ARHGAP32: variants seen among roughly 807,000 people sequenced by gnomAD.
The protein encoded by ARHGAP32 is Rho GTPase activating protein 32.
In ARHGAP32, 51 loss-of-function variants were observed where a neutral mutation model predicts 186.5. The observed-to-expected ratio is 0.27, with a 90% CI of 0.22 to 0.35. The LOEUF (loss-of-function observed/expected upper bound fraction) is 0.35. Among genes scored for constraint, ARHGAP32 ranks in the 10% least tolerant of loss-of-function variants. The probability of loss-of-function intolerance (pLI) is 1.00; values close to 1 mark genes in which losing one functional copy is unlikely to be tolerated. For missense variants in ARHGAP32, 2,186 were observed against 2,623.5 expected, an observed-to-expected ratio of 0.83 and a Z score of 3.64; for synonymous variants, 950 against 964.3, an observed-to-expected ratio of 0.99 and a Z score of 0.27.
intron 2 of ARHGAP32, among the ~76,000 whole-genome samples, chr11:129,130,307 C>A (rs886396493): frequency 6.6e-6 from 1 of 152,002 alleles, no homozygotes; most frequent in Non-Finnish European, 1.5e-5. Flanking sequence ...AAACTTCAAT[C>A]TTCTCTTAAA....
intron 2 of ARHGAP32, among the ~76,000 whole-genome samples, chr11:129,137,157 G>C (rs2135417978): frequency 6.6e-6 from 1 of 150,868 alleles, no homozygotes; most frequent in South Asian, 2.1e-4. Flanking sequence ...AAAAAAGCAT[G>C]GTACAAAAAC....
At chr11:129,035,704 C>T (rs955233324) in intron 11 of ARHGAP32, among the ~76,000 whole-genome samples, 1 of 151,862 alleles carries the variant, frequency 6.6e-6, no homozygotes, top group African/African-American at 2.4e-5. Flanking sequence ...ATTAGCAGGT[C>T]GTGGCGGCAT....
At chr11:129,021,068 A>G (rs1938572543) in intron 11 of ARHGAP32, among the ~76,000 whole-genome samples, 1 of 152,112 alleles carries the variant, frequency 6.6e-6, no homozygotes, top group African/African-American at 2.4e-5. Context: ...CACATTTAAA[A>G]TAGCACCACT....
At chr11:129,254,571 C>G (rs1490167820) in intron 1 of ARHGAP32, among the ~76,000 whole-genome samples, 19 of 152,120 alleles carry the variant, frequency 1.2e-4, no homozygotes, top group Admixed American at 1.2e-3. Flanking sequence ...CTGTCAATAT[C>G]AAGTTGGTAC....
intron 10 of ARHGAP32, among the ~76,000 whole-genome samples, chr11:129,046,109 C>T (rs575343699): frequency 1.2e-4 from 18 of 152,072 alleles, no homozygotes; most frequent in African/African-American, 3.4e-4. Flanking sequence ...CAGCGCCCAC[C>T]GTATACACAC....
intron 1 of ARHGAP32, among the ~76,000 whole-genome samples, chr11:129,187,401 G>T (rs1944184679): frequency 6.6e-6 from 1 of 152,052 alleles, no homozygotes; most frequent in African/African-American, 2.4e-5. Flanking sequence ...GAGGCTGGTG[G>T]GGATAGTTAA....
At chr11:129,247,747 G>T (rs1457284550) in intron 1 of ARHGAP32, among the ~76,000 whole-genome samples, 3 of 151,934 alleles carry the variant, frequency 2.0e-5, no homozygotes, top group Admixed American at 2.0e-4. Flanking sequence ...TCTTGTAATA[G>T]CAAAACAGGA....
chr11:129,181,868 T>C (rs1053040402), intron 1 of ARHGAP32, among the ~76,000 whole-genome samples: 2 of 152,184 alleles, frequency 1.3e-5, no homozygotes. Context: ...TTCCAACCCA[T>C]TAAATTCTCT....
chr11:129,153,516 G>A (rs1943336309), intron 2 of ARHGAP32, among the ~76,000 whole-genome samples: 1 of 152,092 alleles, frequency 6.6e-6, no homozygotes, highest in Non-Finnish European at 1.5e-5. Flanking sequence ...GAAACAGTAT[G>A]GTACTGGTAT....
chr11:129,151,423 T>G (rs538764834), intron 2 of ARHGAP32, among the ~76,000 whole-genome samples: 4 of 152,144 alleles, frequency 2.6e-5, no homozygotes, highest in Non-Finnish European at 5.9e-5. Context: ...AGAATATATA[T>G]TCTTTTCATC....
intron 1 of ARHGAP32, among the ~76,000 whole-genome samples, chr11:129,223,481 G>A (rs71472094): frequency 1.3e-5 from 2 of 152,208 alleles, no homozygotes; most frequent in South Asian, 2.1e-4. Context: ...AGGGGTGGCA[G>A]AAGGCTGGGT....
chr11:129,207,134 T>C (rs893677873), intron 1 of ARHGAP32, among the ~76,000 whole-genome samples: 1 of 152,202 alleles, frequency 6.6e-6, no homozygotes, highest in African/African-American at 2.4e-5. Context: ...TGTGCCACAT[T>C]TTCTTTATCC....
intron 2 of ARHGAP32, among the ~76,000 whole-genome samples, chr11:129,149,420 C>T (rs1366573104): frequency 2.0e-5 from 3 of 152,206 alleles, no homozygotes; most frequent in African/African-American, 7.2e-5. Flanking sequence ...CAAGTGCTGG[C>T]ATCCATGCCT....
intron 1 of ARHGAP32, among the ~76,000 whole-genome samples, chr11:129,217,561 T>C (rs977165722): frequency 1.3e-5 from 2 of 152,184 alleles, no homozygotes; most frequent in Non-Finnish European, 2.9e-5. Context: ...TAACCATGTA[T>C]ATATATACTC....
intron 6 of ARHGAP32, among the ~76,000 whole-genome samples, chr11:129,073,983 T>A (rs1480416802): frequency 6.6e-6 from 1 of 152,140 alleles, no homozygotes; most frequent in Non-Finnish European, 1.5e-5. Context: ...TAGAATTCCA[T>A]ACTCTGCAAA....
chr11:129,266,415 G>A (rs1945401012), intron 1 of ARHGAP32, among the ~76,000 whole-genome samples: 1 of 152,140 alleles, frequency 6.6e-6, no homozygotes, highest in Non-Finnish European at 1.5e-5. Context: ...CACTGGTACA[G>A]GCACCCTGGG....
chr11:129,063,751 A>G (rs553708542), intron 9 of ARHGAP32, 151 bp downstream of exon 9: 2 of 842,762 alleles, frequency 2.4e-6, no homozygotes, highest in African/African-American at 3.4e-5. Flanking sequence ...AAACAAAAAT[A>G]GAAGATATTA....
At chr11:129,138,055 GA>G (rs1250272602) in intron 2 of ARHGAP32, among the ~76,000 whole-genome samples, 1 of 151,848 alleles carries the variant, frequency 6.6e-6, no homozygotes, top group Non-Finnish European at 1.5e-5. Flanking sequence ...AAAGAAAACT[GA>G]AATGGACATT....
chr11:129,123,890 G>A lies in ARHGAP32; in HGVS notation c.357C>T (p.His119=). The A allele has an allele frequency of 7.7e-7, 1 of 1,296,076 alleles. No homozygotes were observed. Among genetic ancestry groups the A allele is most frequent in the South Asian group, 1.2e-5 (1 of 80,928 alleles). 80.3% of individuals were successfully genotyped at this position (1,296,076 alleles called of 1,614,324 possible). ...CAAAGTAGAAAACCAGATTTTACCT[G>A]TGAATGTTGTCACAGCCCATCAGTC... The part of the protein sequence containing the change: ...TPGLMGCDNI[H]RLPFTKGHFP... Residue 119 remains histidine, a splice_region_variant and synonymous_variant, in exon 4 of 23, where the codon CAC becomes CAT. Coordinates refer to ENST00000682385, the MANE Select transcript of ARHGAP32 (RefSeq NM_001378024.1). The surrounding 1 kb of genome is among the most constrained non-coding windows in gnomAD (Gnocchi z 4.6).
Sources: gnomAD v4.1 joint callset for allele counts (sites outside exome capture counted in the v4.1 genomes callset) on GRCh38, gnomAD v4.1.1 for gene constraint, Gnocchi (gnomAD v3.1) non-coding constraint, MANE v1.5 for transcripts, NCBI Gene and HGNC (gene_info 2026-07-23, HGNC 2026-07-21) for gene names.